VTI1A: variants seen among roughly 807,000 people sequenced by gnomAD.
VTI1A encodes the protein vesicle transport through interaction with t-SNAREs homolog 1A.
Under a neutral mutation model 34.9 loss-of-function variants are expected in VTI1A, and 22 were observed. The observed-to-expected ratio is 0.63, with a 90% CI of 0.45 to 0.90. The LOEUF is 0.90. VTI1A is among the 40% of genes least tolerant of loss of function. The probability of loss-of-function intolerance (pLI) is 0.00; values close to 1 mark genes in which losing one functional copy is unlikely to be tolerated. For missense variants in VTI1A, 268 were observed against 275.6 expected (o/e 0.97, Z 0.20); for synonymous variants, 87 against 97.3 (o/e 0.89, Z 0.62).
intron 3 of VTI1A, among the ~76,000 whole-genome samples, chr10:112,522,524 G>A (rs2134210671): frequency 6.6e-6 from 1 of 152,204 alleles, no homozygotes; most frequent in African/African-American, 2.4e-5. Context: ...GCTGAATGAA[G>A]AAAATTAGGC....
chr10:112,729,988 A>G (rs1056275747), intron 7 of VTI1A, among the ~76,000 whole-genome samples: 38 of 152,170 alleles, frequency 2.5e-4, no homozygotes, highest in Admixed American at 1.1e-3. Context: ...AGGGGCCCCA[A>G]CATCAGGACC....
intron 7 of VTI1A, among the ~76,000 whole-genome samples, chr10:112,748,718 C>G (rs1010046333): frequency 6.6e-6 from 1 of 151,240 alleles, no homozygotes; most frequent in East Asian, 1.9e-4. Flanking sequence ...CTCCGCCTCC[C>G]GGGTTCACGC....
the VTI1A span, among the ~76,000 whole-genome samples, chr10:112,840,536 G>A: frequency 0.031 from 4,691 of 152,224 alleles, 255 homozygotes; most frequent in African/African-American, 0.11. Flanking sequence ...CCACAATGCC[G>A]AGGCATGAAA....
chr10:112,510,274 A>T (rs1019521412), intron 3 of VTI1A, among the ~76,000 whole-genome samples: 3 of 152,198 alleles, frequency 2.0e-5, no homozygotes, highest in Non-Finnish European at 4.4e-5. Flanking sequence ...TATAAACATC[A>T]ATCTGGCATT....
intron 7 of VTI1A, among the ~76,000 whole-genome samples, chr10:112,776,974 G>A (rs973844862): frequency 2.0e-5 from 3 of 152,094 alleles, no homozygotes; most frequent in East Asian, 1.9e-4. Context: ...CACTGCACCC[G>A]GCTAGGCTGA....
intron 7 of VTI1A, among the ~76,000 whole-genome samples, chr10:112,741,821 T>C (rs549492020): frequency 3.3e-5 from 5 of 152,298 alleles, no homozygotes; most frequent in African/African-American, 1.2e-4. Context: ...GAATGAAAGA[T>C]CTGTTACTTG....
At chr10:112,597,113 C>T (rs1258849573) in intron 5 of VTI1A, among the ~76,000 whole-genome samples, 1 of 152,160 alleles carries the variant, frequency 6.6e-6, no homozygotes, top group African/African-American at 2.4e-5. Context: ...CAAACTTGAA[C>T]TGGAGGTTTG....
At chr10:112,791,814 G>T (rs1410420614) in intron 7 of VTI1A, among the ~76,000 whole-genome samples, 2 of 134,256 alleles carry the variant, frequency 1.5e-5, no homozygotes, top group African/African-American at 5.7e-5. Context: ...CTCCTGTAAA[G>T]TAAGATTAAA....
intron 7 of VTI1A, among the ~76,000 whole-genome samples, chr10:112,746,028 A>C (rs1850881934): frequency 6.6e-6 from 1 of 152,232 alleles, no homozygotes; most frequent in Non-Finnish European, 1.5e-5. Flanking sequence ...GTGCTCAGTA[A>C]GTACATAGCC....
chr10:112,651,627 A>T (rs1847024363), intron 5 of VTI1A, among the ~76,000 whole-genome samples: 1 of 152,204 alleles, frequency 6.6e-6, no homozygotes, highest in African/African-American at 2.4e-5. Context: ...CCCTTCTAGT[A>T]GTTGATGATC....
At chr10:112,843,690 G>A in the VTI1A span, among the ~76,000 whole-genome samples, 1 of 152,196 alleles carries the variant, frequency 6.6e-6, no homozygotes, top group Non-Finnish European at 1.5e-5. Context: ...GGAACATTGA[G>A]GAAGCCGTGG....
intron 3 of VTI1A, among the ~76,000 whole-genome samples, chr10:112,499,739 C>T (rs1163508667): frequency 6.6e-6 from 1 of 152,234 alleles, no homozygotes; most frequent in African/African-American, 2.4e-5. Flanking sequence ...GCCATCTACA[C>T]AGTTACCCAT....
chr10:112,532,300 A>G (rs1046880189), intron 4 of VTI1A, among the ~76,000 whole-genome samples: 1 of 152,218 alleles, frequency 6.6e-6, no homozygotes, highest in Admixed American at 6.5e-5. Context: ...TCCCAAAGCA[A>G]TAGTTTAATT....
chr10:112,562,703 A>G (rs1933420866), intron 5 of VTI1A, among the ~76,000 whole-genome samples: 2 of 152,156 alleles, frequency 1.3e-5, no homozygotes, highest in Non-Finnish European at 2.9e-5. Context: ...AAGGAGAGAA[A>G]GAGAGAGAAG....
intron 3 of VTI1A, among the ~76,000 whole-genome samples, chr10:112,523,453 C>T (rs776206352): frequency 4.6e-5 from 7 of 151,956 alleles, no homozygotes; most frequent in Non-Finnish European, 8.8e-5. Flanking sequence ...AGTTCATATA[C>T]GATCTGTAGA....
At chr10:112,822,237 A>C (rs569186727), downstream of VTI1A, among the ~76,000 whole-genome samples, 1 of 152,178 alleles carries the variant, frequency 6.6e-6, no homozygotes, top group South Asian at 2.1e-4. Flanking sequence ...GCCTTGCCTT[A>C]AAACCCACTC....
intron 7 of VTI1A, among the ~76,000 whole-genome samples, chr10:112,669,317 C>T (rs1185957877): frequency 2.0e-5 from 3 of 152,106 alleles, no homozygotes; most frequent in Admixed American, 1.3e-4. Context: ...TTTTCTATTT[C>T]GATGGCCTTC....
intron 7 of VTI1A, among the ~76,000 whole-genome samples, chr10:112,808,797 T>C (rs937217457): frequency 3.3e-5 from 5 of 152,138 alleles, no homozygotes; most frequent in Non-Finnish European, 5.9e-5. Flanking sequence ...TCTCTTTTTC[T>C]TTATCTCTCG....
chr10:112,625,548 G>A (rs1280399305), intron 5 of VTI1A, among the ~76,000 whole-genome samples: 2 of 148,112 alleles, frequency 1.4e-5, no homozygotes, highest in Non-Finnish European at 3.0e-5. Context: ...GCTGAGGCAG[G>A]AGAATTGCTT....
Sources: gnomAD v4.1 joint callset for allele counts (sites outside exome capture counted in the v4.1 genomes callset) on GRCh38, gnomAD v4.1.1 for gene constraint, MANE v1.5 for transcripts, NCBI Gene and HGNC (gene_info 2026-07-23, HGNC 2026-07-21) for gene names.